The following MED13 variants were observed in gnomAD, a reference collection of about 807,000 sequenced individuals.
The protein encoded by MED13 is mediator complex subunit 13, also known as mediator of RNA polymerase II transcription subunit 13.
In MED13, 23 loss-of-function variants were observed where a neutral mutation model predicts 225.2. The ratio of observed to expected loss-of-function variants is 0.10; its 90% CI spans 0.07 to 0.14. The LOEUF (loss-of-function observed/expected upper bound fraction) is 0.14, where lower values mean the gene tolerates loss of function less well. MED13 is among the 10% of genes least tolerant of loss of function. MED13 has a pLI of 1.00. For synonymous variants in MED13, 942 were observed against 889.2 expected (o/e 1.06, Z -1.06); for missense variants, 2,197 against 2,594.5 (o/e 0.85, Z 3.33).
At chr17:61,982,139 T>C in intron 16 of MED13, 59 bp downstream of exon 16, 3 of 1,488,904 alleles carry the variant, frequency 2.0e-6, no homozygotes, top group Non-Finnish European at 2.7e-6. Context: ...TACTTTTTCC[T>C]AAGAATGTAA....
chr17:62,062,483 GTA>G (rs747092232), intron 2 of MED13, among the ~76,000 whole-genome samples: 15 of 152,060 alleles, frequency 9.9e-5, no homozygotes, highest in South Asian at 2.1e-4. Flanking sequence ...TGACAGAACA[GTA>G]TATGAGTCAC....
intron 4 of MED13, 85 bp from the exon 5 acceptor site, chr17:62,034,069 G>T: frequency 1.7e-6 from 2 of 1,182,250 alleles, no homozygotes; most frequent in Non-Finnish European, 2.4e-6. Context: ...GCAAATAATC[G>T]TGCAATTATA....
At chr17:61,964,972 A>C in intron 20 of MED13, 34 bp downstream of exon 20, 1 of 1,570,042 alleles carries the variant, frequency 6.4e-7, no homozygotes, top group Admixed American at 1.9e-5. Flanking sequence ...CATAGTTTTT[A>C]TATTTCTGCA....
chr17:62,015,297 T>C (rs950056803), intron 8 of MED13, among the ~76,000 whole-genome samples: 4 of 152,198 alleles, frequency 2.6e-5, no homozygotes, highest in African/African-American at 9.7e-5. Context: ...ATATTTAAGA[T>C]TTGCTTTAAA....
At chr17:61,994,552 G>A (rs1359737740) in intron 10 of MED13, among the ~76,000 whole-genome samples, 1 of 152,000 alleles carries the variant, frequency 6.6e-6, no homozygotes. Flanking sequence ...TAAAATCACT[G>A]TCAAAATAGC....
Position 61,992,624 on chromosome 17 carries a change from G to A in MED13, c.2182-3C>T, listed in dbSNP as rs368806394. ...ACACTAGATGTCCCATCTTCTACCT[G>A]CAAACAAATATTTCATGTTAGGCTG... On this transcript the variant is annotated splice_polypyrimidine_tract_variant and splice_region_variant and intron_variant, in intron 10 of 29. Transcript: ENST00000397786. 4.4e-6 allele frequency: 7 copies of A among 1,590,718 alleles called. No individual in the cohort carries two copies. The Admixed American group carries it at 5.0e-5, about 11-fold the overall frequency.
At chr17:61,976,927 G>A (rs974109442) in intron 16 of MED13, among the ~76,000 whole-genome samples, 3 of 152,038 alleles carry the variant, frequency 2.0e-5, no homozygotes, top group Admixed American at 6.5e-5. Flanking sequence ...GTGAGACTCC[G>A]TCTCAAAAAC....
At chr17:61,952,022 T>C (rs1363921165) in intron 27 of MED13, among the ~76,000 whole-genome samples, 3 of 152,050 alleles carry the variant, frequency 2.0e-5, no homozygotes, top group Non-Finnish European at 2.9e-5. Flanking sequence ...CTCAGCCTCC[T>C]GAGTAGCTGG....
At chr17:61,970,071 T>C (rs2080093795) in intron 17 of MED13, among the ~76,000 whole-genome samples, 1 of 152,176 alleles carries the variant, frequency 6.6e-6, no homozygotes, top group South Asian at 2.1e-4. Context: ...ACAATGATAA[T>C]TCTATGTGCT....
intron 16 of MED13, among the ~76,000 whole-genome samples, chr17:61,976,059 A>T (rs1238520100): frequency 2.0e-5 from 3 of 152,204 alleles, no homozygotes; most frequent in South Asian, 2.1e-4. Flanking sequence ...AATATGACTC[A>T]GTGAATCCAC....
intron 3 of MED13, among the ~76,000 whole-genome samples, chr17:62,043,156 C>CAAAAAAAAAAAAAAAA (rs764530614): frequency 1.3e-3 from 42 of 31,678 alleles, no homozygotes; most frequent in East Asian, 3.9e-3. Context: ...ACCCTGTCTC[C>CAAAAAAAAAAAAAAAA]AAAAAAAAAA....
At chr17:62,050,690 G>C (rs944148254) in intron 3 of MED13, among the ~76,000 whole-genome samples, 1 of 152,124 alleles carries the variant, frequency 6.6e-6, no homozygotes, top group Admixed American at 6.5e-5. Flanking sequence ...TAATCTGTTT[G>C]ACTTCTTAAA....
At chr17:62,053,176 C>T (rs1304214749) in intron 2 of MED13, among the ~76,000 whole-genome samples, 1 of 152,132 alleles carries the variant, frequency 6.6e-6, no homozygotes, top group African/African-American at 2.4e-5. Context: ...TTCTAATCCA[C>T]GACTCCACTA....
Position 61,985,078 on chromosome 17 carries a change from T to C in MED13, c.2398A>G (p.Lys800Glu). 1 of 1,613,554 alleles carries C rather than the reference T, an allele frequency of 6.2e-7. No individual in the cohort carries two copies. The highest frequency in any genetic ancestry group is 1.3e-5 in the African/African-American group (1 of 75,046). ...DEDELTPGSK[K>E]SANGSDDKAS... Reference sequence around the variant, plus strand: ...TTATCATCTGATCCATTTGCTGATTTTTTAGATCCAGGCTATTTAAAAAAA... The same window carrying C: ...TTATCATCTGATCCATTTGCTGATTCTTTAGATCCAGGCTATTTAAAAAAA... Residue 800 changes from lysine (K) to glutamate (E), a missense_variant, in exon 13 of 30, where the codon AAA becomes GAA. Lys to Glu is a moderately conservative substitution (Grantham distance 56). This residue lies in a region of MED13 where 41 missense variants were observed against 55.8 expected (regional missense o/e 0.73). Coordinates refer to ENST00000397786, the MANE Select transcript of MED13 (RefSeq NM_005121.3).
intron 8 of MED13, among the ~76,000 whole-genome samples, chr17:62,011,728 GA>G (rs1255862302): frequency 6.6e-6 from 1 of 152,146 alleles, no homozygotes; most frequent in African/African-American, 2.4e-5. Context: ...CATCAGTCTG[GA>G]AAGTGCTAGA....
chr17:61,951,856 T>C (rs1265252688), intron 27 of MED13, among the ~76,000 whole-genome samples: 2 of 152,192 alleles, frequency 1.3e-5, no homozygotes, highest in Admixed American at 6.5e-5. Context: ...GTAAATTTTA[T>C]ACCTATGCAT....
At chr17:62,040,851 T>C (rs774333567) in intron 3 of MED13, among the ~76,000 whole-genome samples, 4 of 151,878 alleles carry the variant, frequency 2.6e-5, no homozygotes, top group Non-Finnish European at 4.4e-5. Flanking sequence ...CTCACACCCA[T>C]AAAAATAGCT....
chr17:61,991,462 C>T (rs2080298110), intron 11 of MED13, among the ~76,000 whole-genome samples: 1 of 152,002 alleles, frequency 6.6e-6, no homozygotes, highest in Admixed American at 6.6e-5. Context: ...GCCTCAGCCT[C>T]CCAAGTTGCT....
At chr17:62,038,021 T>C (rs2080820873) in intron 3 of MED13, among the ~76,000 whole-genome samples, 1 of 150,148 alleles carries the variant, frequency 6.7e-6, no homozygotes, top group South Asian at 2.1e-4. Flanking sequence ...TTTATAACCT[T>C]TTATCTACTG....
Sources: gnomAD v4.1 joint callset for allele counts (sites outside exome capture counted in the v4.1 genomes callset) on GRCh38, gnomAD v4.1.1 for gene constraint, gnomAD v4.1.1 regional missense constraint, MANE v1.5 for transcripts, NCBI Gene and HGNC (gene_info 2026-07-23, HGNC 2026-07-21) for gene names.